Variants in ZBBX observed in about 807,000 individuals in gnomAD.
The protein encoded by ZBBX is zinc finger B-box domain containing, also known as zinc finger B-box domain-containing protein 1.
ZBBX carries 101 observed loss-of-function variants against 108.5 expected under a neutral mutation model. That is an observed-to-expected ratio of 0.93 (90% CI 0.79 to 1.10). ZBBX has a LOEUF of 1.10. Ranked by LOEUF, ZBBX falls within the 50% of genes least tolerant of loss-of-function variation. The pLI, the probability that ZBBX is intolerant of heterozygous loss-of-function variation, is 0.00. For missense variants in ZBBX, 1,009 were observed against 941.4 expected (o/e 1.07, Z -0.94); for synonymous variants, 356 against 323.4 (o/e 1.10, Z -1.08).
chr3:167,205,364 C>T, the ZBBX span, among the ~76,000 whole-genome samples: 3 of 151,796 alleles, frequency 2.0e-5, no homozygotes, highest in African/African-American at 7.3e-5. Flanking sequence ...AGAATGTAAG[C>T]CATGAAGAAT....
At chr3:167,384,665 A>C (rs1050541135), upstream of ZBBX, among the ~76,000 whole-genome samples, 2 of 152,092 alleles carry the variant, frequency 1.3e-5, no homozygotes, top group Non-Finnish European at 2.9e-5. Context: ...TACAGAAGAC[A>C]TAGTATTGAG....
At chr3:167,356,442 T>C (rs1326321108) in intron 8 of ZBBX, among the ~76,000 whole-genome samples, 1 of 152,078 alleles carries the variant, frequency 6.6e-6, no homozygotes, top group Non-Finnish European at 1.5e-5. Context: ...CCTAACAATA[T>C]AGATTTAAGT....
At chr3:167,281,121 G>A (rs1033737393) in intron 20 of ZBBX, among the ~76,000 whole-genome samples, 1 of 152,184 alleles carries the variant, frequency 6.6e-6, no homozygotes, top group Non-Finnish European at 1.5e-5. Flanking sequence ...GGGGTAGGGG[G>A]AGCGATAGCA....
intron 20 of ZBBX, among the ~76,000 whole-genome samples, chr3:167,247,413 A>G (rs1446706944): frequency 6.6e-6 from 1 of 152,182 alleles, no homozygotes; most frequent in Admixed American, 6.5e-5. Context: ...TCGCTTCCCC[A>G]TCAGCGGAGA....
At position 167,289,006 on chromosome 3, in the gene ZBBX, T is replaced by C. The variant is rs568698217; in HGVS notation, c.1880-23A>G. 1.9e-5 allele frequency: 28 copies of C among 1,487,932 alleles called. No individual in the cohort carries two copies. In the Admixed American group the frequency reaches 4.6e-4, roughly 25 times the overall value. The allele number at this position is 1,487,932 out of a possible 1,614,324, so 92.2% of individuals were successfully genotyped here. A position where few individuals can be genotyped will look rare whatever the true frequency, so the allele number is the denominator to read the frequency against. On this transcript the variant is annotated intron_variant, in intron 18 of 21. Transcript: ENST00000675490. ...CTTCTGAAATTGAAAAACAGTAAGA[T>C]AACATAAAGTTTGAAAAGAAGAAAA...
intron 2 of ZBBX, among the ~76,000 whole-genome samples, chr3:167,377,653 C>A (rs562330816): frequency 6.6e-6 from 1 of 151,674 alleles, no homozygotes; most frequent in Admixed American, 6.6e-5. Context: ...TTTCTTCTAT[C>A]TGTAATTATC....
At chr3:167,224,167 T>C in the ZBBX span, among the ~76,000 whole-genome samples, 1 of 151,960 alleles carries the variant, frequency 6.6e-6, no homozygotes, top group Non-Finnish European at 1.5e-5. Flanking sequence ...TAACCAGCCA[T>C]CACATTCTAA....
At chr3:167,227,639 A>G in the ZBBX span, among the ~76,000 whole-genome samples, 1,004 of 151,854 alleles carry the variant, frequency 6.6e-3, 9 homozygotes, top group African/African-American at 0.022. Flanking sequence ...GCCTCTTTCC[A>G]CAGTACAAAA....
chr3:167,405,044 G>A (rs768581920), intron 1 of ZBBX, among the ~76,000 whole-genome samples: 2 of 152,150 alleles, frequency 1.3e-5, no homozygotes, highest in South Asian at 4.1e-4. Context: ...ATTTTTAAGG[G>A]TTCTTGCTAG....
intron 8 of ZBBX, 41 bp from the exon 9 acceptor site, chr3:167,350,556 A>T (rs760842854): frequency 2.2e-6 from 3 of 1,389,572 alleles, no homozygotes; most frequent in African/African-American, 1.5e-5. Flanking sequence ...ATCTTATAAA[A>T]TAGTATGATT....
the ZBBX span, among the ~76,000 whole-genome samples, chr3:167,222,925 T>C: frequency 2.6e-5 from 4 of 151,910 alleles, no homozygotes; most frequent in Admixed American, 2.0e-4. Context: ...TATTTCAAAA[T>C]AGCTACAAGA....
At chr3:167,214,721 A>C in the ZBBX span, among the ~76,000 whole-genome samples, 1 of 152,168 alleles carries the variant, frequency 6.6e-6, no homozygotes, top group Non-Finnish European at 1.5e-5. Context: ...ATACTCTAAA[A>C]TCAAACACGT....
At chr3:167,356,191 C>T (rs778445703) in intron 8 of ZBBX, among the ~76,000 whole-genome samples, 9 of 152,070 alleles carry the variant, frequency 5.9e-5, no homozygotes, top group Non-Finnish European at 1.2e-4. Flanking sequence ...TTAGCTTTCA[C>T]ACTTTTAACT....
At chr3:167,216,065 T>C in the ZBBX span, among the ~76,000 whole-genome samples, 5 of 152,032 alleles carry the variant, frequency 3.3e-5, no homozygotes, top group African/African-American at 1.2e-4. Context: ...TGAAAACTGG[T>C]ACAAGACAAG....
chr3:167,229,509 CACTG>C, the ZBBX span, among the ~76,000 whole-genome samples: 4 of 151,744 alleles, frequency 2.6e-5, no homozygotes, highest in Admixed American at 6.6e-5. Context: ...AGGTGGATGA[CACTG>C]ACTATTGATA....
Position 167,287,185 on chromosome 3 carries a change from G to T in ZBBX, c.1996+1682C>A, listed in dbSNP as rs1729860573. On this transcript the variant is annotated intron_variant, in intron 19 of 21. Coordinates refer to ENST00000675490, the MANE Select transcript of ZBBX (RefSeq NM_001199201.2). ...CATATTATCATTAATTACCTATTAAGGTCCAAAAGTAAATTACTCATAGGT... is the reference window on the plus strand; with the variant it reads ...CATATTATCATTAATTACCTATTAATGTCCAAAAGTAAATTACTCATAGGT... 2.0e-5 allele frequency among the ~76,000 whole-genome samples: 3 copies of T among 151,702 alleles called. No homozygotes were observed. In the South Asian group the frequency reaches 6.2e-4, roughly 32 times the overall value.
intron 18 of ZBBX, among the ~76,000 whole-genome samples, chr3:167,290,761 A>C (rs1269988104): frequency 6.6e-6 from 1 of 152,168 alleles, no homozygotes; most frequent in Non-Finnish European, 1.5e-5. Context: ...AACTCCTCTG[A>C]GCTAAAGGAC....
rs368366304 is a variant in ZBBX at position 167,240,914 on chromosome 3, G to A, written c.2399C>T (p.Ser800Phe). 6.2e-7 allele frequency: 1 copy of A among 1,612,636 alleles called. No individual in the cohort carries two copies. Among genetic ancestry groups the A allele is most frequent in the African/African-American group, 1.3e-5 (1 of 74,844 alleles). The change falls in exon 22 of 22, where the codon TCT (serine) becomes TTT (phenylalanine). Residue 800 changes from serine to phenylalanine, a missense_variant. Transcript: ENST00000675490. ...GPCGVEELSC[S>F]GRDTKIQSLL... ...AGACTGAATTTTGGTATCTCTTCCA[G>A]AACAGCTGAAAATACATAACAAGAT...
At chr3:167,219,165 C>A in the ZBBX span, among the ~76,000 whole-genome samples, 71 of 152,032 alleles carry the variant, frequency 4.7e-4, no homozygotes, top group Middle Eastern at 6.8e-3. Context: ...GAGAAATAGA[C>A]CCCAATACAA....
Sources: gnomAD v4.1 joint callset for allele counts (sites outside exome capture counted in the v4.1 genomes callset) on GRCh38, gnomAD v4.1.1 for gene constraint, MANE v1.5 for transcripts, NCBI Gene and HGNC (gene_info 2026-07-23, HGNC 2026-07-21) for gene names.